ELMO1: variants seen among roughly 807,000 people sequenced by gnomAD.
ELMO1 encodes the protein engulfment and cell motility protein 1.
ELMO1 carries 26 observed loss-of-function variants against 98.9 expected under a neutral mutation model. That is an observed-to-expected ratio of 0.26 (90% CI 0.19 to 0.36). ELMO1 has a LOEUF of 0.36. Ranked by LOEUF, ELMO1 falls within the 10% of genes least tolerant of loss-of-function variation. The pLI, the probability that ELMO1 is intolerant of heterozygous loss-of-function variation, is 1.00. For missense variants in ELMO1, 627 were observed against 935.2 expected (o/e 0.67, Z 4.30); for synonymous variants, 346 against 346.0 (o/e 1.00, Z 0.00).
At chr7:37,252,035 G>A (rs1013117111) in intron 6 of ELMO1, among the ~76,000 whole-genome samples, 13 of 152,150 alleles carry the variant, frequency 8.5e-5, no homozygotes, top group African/African-American at 3.1e-4. Context: ...GGATGTGAAG[G>A]ACCTCTTCAA....
At chr7:37,066,459 C>T (rs1173080008) in intron 15 of ELMO1, among the ~76,000 whole-genome samples, 1 of 152,182 alleles carries the variant, frequency 6.6e-6, no homozygotes, top group Non-Finnish European at 1.5e-5. Flanking sequence ...ACTGGGTTGT[C>T]CCTTGGTACC....
rs923759107 is a variant in ELMO1 at position 37,337,567 on chromosome 7, G to A, written c.78+5046C>T. 1.7e-4 allele frequency among the ~76,000 whole-genome samples: 26 copies of A among 151,180 alleles called. 1 individual carries two copies. The highest frequency in any genetic ancestry group is 5.3e-4 in the Admixed American group (8 of 15,186). On this transcript the variant is annotated intron_variant, in intron 2 of 21. Transcript: ENST00000310758. ...ACACCTATGTGGAGCATTGGGGGTT[G>A]GGATAAGCTGAAAGCACTGGAAACA...
intron 20 of ELMO1, among the ~76,000 whole-genome samples, chr7:36,869,675 A>C (rs1272625101): frequency 6.6e-6 from 1 of 152,236 alleles, no homozygotes; most frequent in Non-Finnish European, 1.5e-5. Context: ...GGCCTCTCCA[A>C]GGGCAAATAC....
In ELMO1 at chr7:37,392,189, C is replaced by T. The variant is rs376865635; in HGVS notation, c.-73-49426G>A. Among the ~76,000 whole-genome samples the T allele has an allele frequency of 8.6e-5, 13 of 152,024 alleles. No individual in the cohort carries two copies. In the South Asian group the frequency reaches 1.5e-3, roughly 17 times the overall value. ...CTTCCTCTGATGTGGCTCCAGACTT[C>T]GAAACAAAACAAAACAGAAAGAGGG... is the stretch of plus-strand genomic sequence containing the variant. On this transcript the variant is annotated intron_variant, in intron 1 of 21. Transcript: ENST00000310758.
intron 16 of ELMO1, among the ~76,000 whole-genome samples, chr7:36,966,310 G>C (rs1206924646): frequency 6.6e-6 from 1 of 152,184 alleles, no homozygotes; most frequent in Non-Finnish European, 1.5e-5. Context: ...ATGGGAATCA[G>C]ACCTGAATCT....
intron 15 of ELMO1, among the ~76,000 whole-genome samples, chr7:37,040,867 A>T (rs1244424813): frequency 1.3e-5 from 2 of 152,140 alleles, no homozygotes; most frequent in Admixed American, 1.3e-4. Flanking sequence ...ACCTGAGGTC[A>T]GGAGTTTAGA....
At chr7:37,416,541 C>T (rs1424914378) in intron 1 of ELMO1, among the ~76,000 whole-genome samples, 1 of 152,180 alleles carries the variant, frequency 6.6e-6, no homozygotes, top group Non-Finnish European at 1.5e-5. Context: ...AATGATGCCC[C>T]TGGAACTGGA....
intron 2 of ELMO1, among the ~76,000 whole-genome samples, chr7:37,340,959 T>C (rs13247605): frequency 6.6e-6 from 1 of 152,058 alleles, no homozygotes; most frequent in South Asian, 2.1e-4. Context: ...AAATAGTTAT[T>C]TCGAATAAGT....
At chr7:37,089,047 G>A (rs1315894671) in intron 15 of ELMO1, among the ~76,000 whole-genome samples, 1 of 152,158 alleles carries the variant, frequency 6.6e-6, no homozygotes, top group Admixed American at 6.5e-5. Flanking sequence ...TAATTTTCTT[G>A]AGTTTTCTTT....
At chr7:37,183,202 AAGGAGGAAGG>A (rs1394768575) in intron 13 of ELMO1, among the ~76,000 whole-genome samples, 2 of 106,402 alleles carry the variant, frequency 1.9e-5, no homozygotes, top group Non-Finnish European at 4.9e-5. Context: ...ACAGAAGGAG[AAGGAGGAAGG>A]AGGAGGAAGA....
chr7:36,892,113 A>G (rs916184067), intron 17 of ELMO1, among the ~76,000 whole-genome samples: 1 of 152,132 alleles, frequency 6.6e-6, no homozygotes, highest in Non-Finnish European at 1.5e-5. Flanking sequence ...TGGAGTTTAC[A>G]TTTTTCTTCT....
chr7:36,992,550 C>T (rs921624515), intron 16 of ELMO1, among the ~76,000 whole-genome samples: 2 of 152,148 alleles, frequency 1.3e-5, no homozygotes, highest in African/African-American at 2.4e-5. Context: ...TCTTGCCAAG[C>T]GCATCCACTG....
At chr7:37,210,132 TTC>T (rs1431877249) in intron 13 of ELMO1, among the ~76,000 whole-genome samples, 3 of 152,162 alleles carry the variant, frequency 2.0e-5, no homozygotes, top group African/African-American at 7.2e-5. Flanking sequence ...GGACATGACT[TTC>T]TGTGTGTGGA....
intron 5 of ELMO1, 40 bp downstream of exon 5, chr7:37,271,792 C>A: frequency 6.2e-7 from 1 of 1,604,790 alleles, no homozygotes; most frequent in Non-Finnish European, 8.5e-7. Flanking sequence ...AAACGCAGAG[C>A]AAAGAGTTTG....
At chr7:37,403,398 A>T (rs1803614046) in intron 1 of ELMO1, among the ~76,000 whole-genome samples, 1 of 152,178 alleles carries the variant, frequency 6.6e-6, no homozygotes, top group Non-Finnish European at 1.5e-5. Context: ...CAACTCTGAA[A>T]AAAAATCACT....
intron 6 of ELMO1, among the ~76,000 whole-genome samples, chr7:37,254,262 G>A (rs963600529): frequency 1.3e-5 from 2 of 152,154 alleles, no homozygotes; most frequent in Non-Finnish European, 2.9e-5. Context: ...TCCTTCCCAC[G>A]AACATAGTGT....
intron 14 of ELMO1, among the ~76,000 whole-genome samples, chr7:37,111,645 C>T (rs1484921804): frequency 2.6e-5 from 4 of 152,220 alleles, no homozygotes; most frequent in Admixed American, 1.3e-4. Flanking sequence ...ATTTACTTGA[C>T]CTTTCTGAGC....
intron 16 of ELMO1, among the ~76,000 whole-genome samples, chr7:36,931,731 T>C (rs185428562): frequency 3.3e-5 from 5 of 152,216 alleles, no homozygotes; most frequent in Non-Finnish European, 7.3e-5. Context: ...GTGGAGTGCA[T>C]GTCCTGAATA....
chr7:37,290,036 C>T (rs974494529), intron 4 of ELMO1, among the ~76,000 whole-genome samples: 8 of 152,178 alleles, frequency 5.3e-5, no homozygotes, highest in African/African-American at 1.9e-4. Flanking sequence ...ATTGGGAAAG[C>T]CACGCTAATT....
Sources: allele counts gnomAD v4.1 joint callset (sites outside exome capture counted in the v4.1 genomes callset), GRCh38; gene constraint gnomAD v4.1.1; transcripts MANE v1.5; gene names NCBI Gene and HGNC (gene_info 2026-07-23, HGNC 2026-07-21).